Variants in AMBRA1 observed in about 807,000 individuals in gnomAD.
The protein encoded by AMBRA1 is autophagy and beclin 1 regulator 1, also known as activating molecule in BECN1-regulated autophagy protein 1.
AMBRA1 carries 47 observed loss-of-function variants against 125.4 expected under a neutral mutation model. That is an observed-to-expected ratio of 0.37 (90% confidence interval 0.30 to 0.48). The LOEUF is 0.48. Ranked by LOEUF, AMBRA1 falls within the 20% of genes least tolerant of loss-of-function variation. The pLI, the probability that AMBRA1 is intolerant of heterozygous loss-of-function variation, is 0.99. For synonymous variants in AMBRA1, 626 were observed against 655.5 expected, an observed-to-expected ratio of 0.95 and a Z score of 0.69; for missense variants, 1,331 against 1,693.4, an observed-to-expected ratio of 0.79 and a Z score of 3.76.
intron 7 of AMBRA1, among the ~76,000 whole-genome samples, chr11:46,525,270 C>T (rs1041464901): frequency 2.6e-5 from 4 of 152,144 alleles, no homozygotes; most frequent in African/African-American, 9.7e-5. Flanking sequence ...CACTGCATTC[C>T]AGCCTGGGCA....
intron 1 of AMBRA1, among the ~76,000 whole-genome samples, chr11:46,554,119 C>T (rs1403419884): frequency 6.6e-6 from 1 of 152,128 alleles, no homozygotes; most frequent in Non-Finnish European, 1.5e-5. Context: ...CCCTCTACTG[C>T]AATTCTTTTA....
intron 5 of AMBRA1, among the ~76,000 whole-genome samples, chr11:46,544,379 A>G (rs542561441): frequency 6.6e-6 from 1 of 152,212 alleles, no homozygotes; most frequent in Non-Finnish European, 1.5e-5. Context: ...ACTCTGCCAC[A>G]GAATCAGTTC....
chr11:46,397,932 C>T lies in AMBRA1; in HGVS notation c.3415G>A (p.Glu1139Lys). ...GCATCTTCTCCACTGGCACCATACT[C>T]TGAACCCTCACCTGGCAGATACAAA... ...ASGPGEGEGS[E>K]YGASGEDALS... is the part of the protein sequence containing the mutation. Residue 1139 changes from glutamate (E) to lysine (K), a missense_variant, in exon 18 of 18, where the codon GAG (glutamate) becomes AAG (lysine). Physicochemically the swap from Glu to Lys is moderately conservative, Grantham distance 56. Coordinates refer to ENST00000683756, the MANE Select transcript of AMBRA1 (RefSeq NM_001387011.1). 1 of 1,591,086 alleles carries T rather than the reference C, an allele frequency of 6.3e-7. No individual in the cohort carries two copies. Among genetic ancestry groups the T allele is most frequent in the Non-Finnish European group, 8.5e-7 (1 of 1,173,166 alleles).
At chr11:46,523,591 T>C (rs767153767) in intron 7 of AMBRA1, among the ~76,000 whole-genome samples, 3 of 152,254 alleles carry the variant, frequency 2.0e-5, no homozygotes, top group African/African-American at 2.4e-5. Flanking sequence ...AAGATGTAAA[T>C]TGCCTTCTTT....
At chr11:46,537,906 C>A (rs1189485486) in intron 7 of AMBRA1, among the ~76,000 whole-genome samples, 1 of 152,218 alleles carries the variant, frequency 6.6e-6, no homozygotes, top group Non-Finnish European at 1.5e-5. Flanking sequence ...TCAGGAACAA[C>A]AGTCATCTAC....
At chr11:46,570,113 A>G (rs1018924694) in intron 1 of AMBRA1, among the ~76,000 whole-genome samples, 1 of 151,926 alleles carries the variant, frequency 6.6e-6, no homozygotes, top group South Asian at 2.1e-4. Flanking sequence ...ATATAAAAAA[A>G]TAGCTGGGCA....
chr11:46,442,345 G>GACCA (rs1260114387), intron 12 of AMBRA1, among the ~76,000 whole-genome samples: 1 of 152,012 alleles, frequency 6.6e-6, no homozygotes, highest in African/African-American at 2.4e-5. Context: ...GTTTCATCAT[G>GACCA]TTGGCCAGGC....
intron 11 of AMBRA1, among the ~76,000 whole-genome samples, chr11:46,452,332 G>GT: frequency 6.6e-6 from 1 of 152,116 alleles, no homozygotes; most frequent in African/African-American, 2.4e-5. Context: ...TTATTTTAAG[G>GT]TTTTTTGTTG....
intron 14 of AMBRA1, among the ~76,000 whole-genome samples, chr11:46,423,695 T>C (rs1946969247): frequency 6.9e-6 from 1 of 145,174 alleles, no homozygotes; most frequent in South Asian, 2.2e-4. Flanking sequence ...CCGGCCAATT[T>C]TTATTATTTT....
At chr11:46,567,659 C>A (rs959898533) in intron 1 of AMBRA1, among the ~76,000 whole-genome samples, 9 of 152,116 alleles carry the variant, frequency 5.9e-5, no homozygotes, top group African/African-American at 2.2e-4. Flanking sequence ...CCGTGCCCAG[C>A]CTTTTAAGAT....
chr11:46,514,962 AT>A (rs1951412911), intron 7 of AMBRA1, among the ~76,000 whole-genome samples: 1 of 152,218 alleles, frequency 6.6e-6, no homozygotes, highest in Non-Finnish European at 1.5e-5. Context: ...GTACTTATTT[AT>A]CATTTAACAA....
chr11:46,518,029 T>C (rs189050871), intron 7 of AMBRA1: 1 of 802,134 alleles, frequency 1.2e-6, no homozygotes, highest in African/African-American at 1.9e-5. Context: ...CCTCTATACG[T>C]TTTCTGCAAG....
intron 7 of AMBRA1, among the ~76,000 whole-genome samples, chr11:46,513,809 T>G (rs1951367282): frequency 6.6e-6 from 1 of 152,170 alleles, no homozygotes; most frequent in Admixed American, 6.5e-5. Context: ...TGCTGGCTTT[T>G]CCTATTTTTT....
chr11:46,528,133 G>T (rs139987746), intron 7 of AMBRA1, among the ~76,000 whole-genome samples: 3 of 152,300 alleles, frequency 2.0e-5, no homozygotes, highest in Admixed American at 6.5e-5. Flanking sequence ...CCTTTGAAAA[G>T]AAGGAAATTA....
At chr11:46,586,987 C>T (rs1288420084) in intron 1 of AMBRA1, among the ~76,000 whole-genome samples, 9 of 152,090 alleles carry the variant, frequency 5.9e-5, no homozygotes, top group Non-Finnish European at 1.2e-4. Flanking sequence ...TCAGATGCTT[C>T]ATTATACTAT....
chr11:46,574,403 C>T (rs796081705), intron 1 of AMBRA1, among the ~76,000 whole-genome samples: 15 of 151,316 alleles, frequency 9.9e-5, no homozygotes, highest in Non-Finnish European at 1.9e-4. Flanking sequence ...GATTTGCATT[C>T]CTCTGATGGC....
chr11:46,400,473 G>GGT (rs1945689550), intron 17 of AMBRA1, among the ~76,000 whole-genome samples: 1 of 48,874 alleles, frequency 2.0e-5, no homozygotes, highest in Non-Finnish European at 4.2e-5. Flanking sequence ...TCTTTCTATA[G>GGT]TTTTTTTTTT....
chr11:46,548,736 T>C (rs57535407), intron 1 of AMBRA1, among the ~76,000 whole-genome samples: 28,722 of 152,192 alleles, frequency 0.19, 3,025 homozygotes, highest in African/African-American at 0.28. Flanking sequence ...CTCACGCCTG[T>C]AATCCCCGAA....
intron 9 of AMBRA1, among the ~76,000 whole-genome samples, chr11:46,504,114 C>G (rs1383855959): frequency 6.6e-6 from 1 of 152,134 alleles, no homozygotes; most frequent in African/African-American, 2.4e-5. Flanking sequence ...ATTAGCAAAG[C>G]CTTTGCTACA....
Sources: gnomAD v4.1 joint callset for allele counts (sites outside exome capture counted in the v4.1 genomes callset) on GRCh38, gnomAD v4.1.1 for gene constraint, MANE v1.5 for transcripts, NCBI Gene and HGNC (gene_info 2026-07-23, HGNC 2026-07-21) for gene names.